NPC1: variants seen among roughly 807,000 people sequenced by gnomAD.
NPC1 encodes Niemann-Pick C1 protein.
A neutral mutation model predicts 140.4 loss-of-function variants in NPC1; 85 were observed. The observed-to-expected ratio is 0.61, with a 90% confidence interval of 0.51 to 0.72. NPC1 has a LOEUF of 0.72. Among genes scored for constraint, NPC1 ranks in the 30% least tolerant of loss-of-function variants. NPC1 has a pLI of 0.00. For synonymous variants in NPC1, 656 were observed against 624.8 expected, an observed-to-expected ratio of 1.05 and a Z score of -0.74; for missense variants, 1,504 against 1,623.8, an observed-to-expected ratio of 0.93 and a Z score of 1.27.
chr18:23,558,401 A>G (rs2435302), intron 6 of NPC1, among the ~76,000 whole-genome samples: 1 of 152,252 alleles, frequency 6.6e-6, no homozygotes, highest in Non-Finnish European at 1.5e-5. Flanking sequence ...ACATAACATG[A>G]CTTCTGTGAT....
At chr18:23,557,498 G>A (rs1452571023) in intron 6 of NPC1, among the ~76,000 whole-genome samples, 1 of 152,230 alleles carries the variant, frequency 6.6e-6, no homozygotes, top group Non-Finnish European at 1.5e-5. Context: ...GCTCACGCCT[G>A]TAAACCCAGC....
At chr18:23,566,237 TTTG>T (rs754525832) in intron 4 of NPC1, among the ~76,000 whole-genome samples, 2 of 151,756 alleles carry the variant, frequency 1.3e-5, no homozygotes, top group African/African-American at 2.4e-5. Flanking sequence ...CAAAAAAAAA[TTTG>T]TTTTTAATTA....
intron 4 of NPC1, among the ~76,000 whole-genome samples, chr18:23,564,823 C>T (rs1467714744): frequency 6.6e-6 from 1 of 152,118 alleles, no homozygotes; most frequent in East Asian, 1.9e-4. Context: ...CTTCGATCCA[C>T]TTTGAGTTAA....
chr18:23,559,280 T>A (rs562650738), intron 6 of NPC1, among the ~76,000 whole-genome samples: 1 of 152,216 alleles, frequency 6.6e-6, no homozygotes. Flanking sequence ...TAGTTCTAGA[T>A]GTACTATGAG....
intron 20 of NPC1, 73 bp downstream of exon 20, chr18:23,538,469 C>A: frequency 6.4e-7 from 1 of 1,572,646 alleles, no homozygotes; most frequent in East Asian, 2.2e-5. Context: ...TGTCTTAGCC[C>A]AGTCCTCTCC....
intron 14 of NPC1, among the ~76,000 whole-genome samples, chr18:23,541,724 T>C (rs2058716080): frequency 6.6e-6 from 1 of 152,212 alleles, no homozygotes; most frequent in African/African-American, 2.4e-5. Flanking sequence ...ACATTAAAAT[T>C]TGAGAACCAC....
intron 1 of NPC1, among the ~76,000 whole-genome samples, chr18:23,582,668 A>G (rs1415710716): frequency 6.6e-6 from 1 of 151,988 alleles, no homozygotes; most frequent in African/African-American, 2.4e-5. Context: ...GCAGGGCATG[A>G]TGGTGCACAC....
At chr18:23,574,261 G>T (rs549751924) in intron 1 of NPC1, among the ~76,000 whole-genome samples, 3 of 152,234 alleles carry the variant, frequency 2.0e-5, no homozygotes, top group Admixed American at 6.5e-5. Context: ...TGAATCATCA[G>T]GTCAGTGCCT....
intron 1 of NPC1, among the ~76,000 whole-genome samples, chr18:23,581,767 C>T (rs767836253): frequency 7.2e-5 from 11 of 152,166 alleles, no homozygotes; most frequent in Non-Finnish European, 1.3e-4. Context: ...CGACTATTTT[C>T]TCTAGTTTTC....
chr18:23,557,182 T>C lies in NPC1; in HGVS notation c.890A>G (p.Tyr297Cys), dbSNP rs776844130. 2 of 1,612,764 alleles carry C rather than the reference T, an allele frequency of 1.2e-6. No individual in the cohort carries two copies. The highest frequency in any genetic ancestry group is 8.5e-7 in the Non-Finnish European group (1 of 1,179,338). Residue 297 changes from tyrosine (Y) to cysteine (C), a missense_variant, in exon 7 of 25, where the codon TAT becomes TGT. By Grantham distance (194) the Tyr-to-Cys change is radical. Transcript: ENST00000269228. ...GATGGGAGTGTACTCGGAGACAAAA[T>C]ACCGTTTTCTGAAAAACAGAAGTGA... Reference protein sequence around the residue: ...FFAVWCYRKRYFVSEYTPIDS... With the variant: ...FFAVWCYRKRCFVSEYTPIDS...
At chr18:23,554,413 C>T (rs1376809201) in intron 9 of NPC1, among the ~76,000 whole-genome samples, 1 of 152,132 alleles carries the variant, frequency 6.6e-6, no homozygotes, top group East Asian at 1.9e-4. Context: ...TGAGACCAGC[C>T]TGGCCAACAT....
At chr18:23,565,650 G>A (rs1466385978) in intron 4 of NPC1, among the ~76,000 whole-genome samples, 3 of 150,282 alleles carry the variant, frequency 2.0e-5, no homozygotes, top group South Asian at 2.1e-4. Flanking sequence ...CACTGCACCC[G>A]GCTGTTCTTT....
At chr18:23,562,288 C>CA (rs2059053385) in intron 4 of NPC1, among the ~76,000 whole-genome samples, 1 of 102,824 alleles carries the variant, frequency 9.7e-6, no homozygotes, top group Non-Finnish European at 1.8e-5. Flanking sequence ...GACTCCATCA[C>CA]AAAAAAACAA....
intron 3 of NPC1, chr18:23,516,502 C>T: frequency 1.4e-6 from 2 of 1,416,606 alleles, no homozygotes; most frequent in South Asian, 2.3e-5. Flanking sequence ...GTTACAAGCA[C>T]CACGTGATGC....
At chr18:23,531,432 T>TTAGA, downstream of NPC1, 6 of 1,197,696 alleles carry the variant, frequency 5.0e-6, no homozygotes, top group African/African-American at 1.5e-5. Flanking sequence ...TAAGGACAGG[T>TTAGA]TAGATAGAAT....
intron 14 of NPC1, 95 bp downstream of exon 14, chr18:23,543,360 A>AAT: frequency 1.4e-6 from 1 of 731,250 alleles, no homozygotes; most frequent in African/African-American, 1.8e-5. Flanking sequence ...AAAAAAAAAA[A>AAT]GGAAGCAACA....
intron 7 of NPC1, 133 bp from the exon 8 acceptor site, chr18:23,556,746 G>A: frequency 7.2e-7 from 1 of 1,388,198 alleles, no homozygotes; most frequent in Non-Finnish European, 1.0e-6. Context: ...TGAGACCCCT[G>A]CCCTCAGCTA....
In NPC1 at chr18:23,541,447, A is replaced by G. The variant is rs747500685; in HGVS notation, c.2246-14T>C. ...CGGACAATGCTCCTGTCGGGGAGAG[A>G]AGGGCTCTGCGTCACTTCTGTTTAC... On this transcript the variant is annotated splice_polypyrimidine_tract_variant and intron_variant, in intron 14 of 24. Coordinates refer to ENST00000269228, the MANE Select transcript of NPC1 (RefSeq NM_000271.5). 1 of 1,614,170 alleles carries G rather than the reference A, an allele frequency of 6.2e-7. No individual in the cohort carries two copies. Among genetic ancestry groups the G allele is most frequent in the Non-Finnish European group, 8.5e-7 (1 of 1,180,038 alleles).
chr18:23,507,156 T>A, intron 3 of NPC1: 1 of 788,002 alleles, frequency 1.3e-6, no homozygotes, highest in Non-Finnish European at 2.1e-6. Flanking sequence ...TTTATTATCT[T>A]ACTGTTGTGA....
Sources: gnomAD v4.1 joint callset for allele counts (sites outside exome capture counted in the v4.1 genomes callset) on GRCh38, gnomAD v4.1.1 for gene constraint, MANE v1.5 for transcripts, NCBI Gene and HGNC (gene_info 2026-07-23, HGNC 2026-07-21) for gene names.